Variants in SCAPER observed in about 807,000 individuals in gnomAD.
SCAPER encodes the protein S phase cyclin A-associated protein in the endoplasmic reticulum.
SCAPER carries 98 observed loss-of-function variants against 182.2 expected under a neutral mutation model. The observed-to-expected ratio is 0.54, with a 90% CI of 0.46 to 0.64. The LOEUF (loss-of-function observed/expected upper bound fraction) is 0.64. Among genes scored for constraint, SCAPER ranks in the 30% least tolerant of loss-of-function variants. The probability of loss-of-function intolerance (pLI) is 0.00; values close to 1 mark genes in which losing one functional copy is unlikely to be tolerated. For missense variants in SCAPER, 1,432 were observed against 1,690.0 expected, an observed-to-expected ratio of 0.85 and a Z score of 2.68; for synonymous variants, 605 against 564.6, an observed-to-expected ratio of 1.07 and a Z score of -1.01.
chr15:76,610,199 C>T (rs2050853697), intron 22 of SCAPER, among the ~76,000 whole-genome samples: 1 of 152,122 alleles, frequency 6.6e-6, no homozygotes, highest in Admixed American at 6.5e-5. Flanking sequence ...ACTGACCCCA[C>T]AGTTTATGTC....
At chr15:76,755,938 T>C (rs1016094420) in intron 14 of SCAPER, among the ~76,000 whole-genome samples, 1 of 152,152 alleles carries the variant, frequency 6.6e-6, no homozygotes, top group African/African-American at 2.4e-5. Context: ...CAGATGACTA[T>C]GACCTGACTG....
At chr15:76,521,733 C>G (rs2042853223) in intron 23 of SCAPER, among the ~76,000 whole-genome samples, 1 of 152,132 alleles carries the variant, frequency 6.6e-6, no homozygotes, top group Non-Finnish European at 1.5e-5. Context: ...GTCAGCTTAA[C>G]TCTCATGAAG....
intron 24 of SCAPER, among the ~76,000 whole-genome samples, chr15:76,482,988 T>G (rs866418683): frequency 6.6e-6 from 1 of 152,136 alleles, no homozygotes; most frequent in Non-Finnish European, 1.5e-5. Flanking sequence ...TTGATACTGA[T>G]AAACTGATTT....
chr15:76,491,775 G>A (rs941260273), intron 24 of SCAPER, among the ~76,000 whole-genome samples: 1 of 152,144 alleles, frequency 6.6e-6, no homozygotes, highest in African/African-American at 2.4e-5. Context: ...GGGATTACAG[G>A]CGTTTGCCAC....
rs370902109 is a variant in SCAPER at position 76,667,186 on chromosome 15, T to C, written c.2509-1397A>G. ...TACAAATTTTCCTTGTCAAGGTCAGTAACGCCAGTGGCCAATGTTCAGTTC... is the reference window on the plus strand; with the variant it reads ...TACAAATTTTCCTTGTCAAGGTCAGCAACGCCAGTGGCCAATGTTCAGTTC... On this transcript the variant is annotated intron_variant, in intron 20 of 31. Transcript: ENST00000563290. Among the ~76,000 whole-genome samples, 3 of 152,264 alleles carry C rather than the reference T, an allele frequency of 2.0e-5. No individual in the cohort carries two copies. The East Asian group carries it at 5.8e-4, about 29-fold the overall frequency.
At chr15:76,718,415 A>G (rs2060005742) in intron 17 of SCAPER, among the ~76,000 whole-genome samples, 1 of 152,182 alleles carries the variant, frequency 6.6e-6, no homozygotes, top group South Asian at 2.1e-4. Flanking sequence ...TAGGCTAGCC[A>G]CGGTGGCTCA....
chr15:76,685,762 T>C (rs1410582024), intron 20 of SCAPER, among the ~76,000 whole-genome samples: 1 of 151,970 alleles, frequency 6.6e-6, no homozygotes, highest in African/African-American at 2.4e-5. Flanking sequence ...TGTTCTCCTG[T>C]GTAGGACAAC....
At chr15:76,548,491 G>T (rs12443137) in intron 23 of SCAPER, among the ~76,000 whole-genome samples, 70,921 of 152,070 alleles carry the variant, frequency 0.47, 18,043 homozygotes, top group Middle Eastern at 0.63. Context: ...AGTTGATATA[G>T]TAGAGCAACG....
chr15:76,351,167 A>G, intron 31 of SCAPER, 70 bp downstream of exon 31: 1 of 1,360,986 alleles, frequency 7.3e-7, no homozygotes, highest in Non-Finnish European at 1.0e-6. Flanking sequence ...TAGCAGTTCC[A>G]GAGGAAAGGA....
intron 24 of SCAPER, chr15:76,472,425 T>C: frequency 1.7e-6 from 1 of 600,720 alleles, no homozygotes; most frequent in Non-Finnish European, 3.0e-6. Context: ...TGAAATACTA[T>C]TTTTACGAAG....
chr15:76,841,825 C>T lies in SCAPER; in HGVS notation c.302G>A (p.Arg101Gln). ...RHPRKIDLRA[R>Q]YWAFLFDNLR... ...ATTATCAAAAAGAAATGCCCAGTAT[C>T]GAGCTCTTAGATCAATTTTCCGAGG... The change falls in exon 5 of 32, where the codon CGA becomes CAA. Residue 101 changes from arginine (R) to glutamine (Q), a missense_variant. Arg to Gln is a conservative substitution (Grantham distance 43). Around this residue, in one of 5 missense-constraint regions of SCAPER, gnomAD observed 480 missense variants for 510.2 expected, o/e 0.94. Transcript: ENST00000563290. The T allele has an allele frequency of 1.2e-6, 2 of 1,613,872 alleles. No homozygotes were observed. Among genetic ancestry groups the T allele is most frequent in the South Asian group, 1.1e-5 (1 of 91,082 alleles).
chr15:76,632,509 T>C (rs987121539), intron 21 of SCAPER, among the ~76,000 whole-genome samples: 3 of 152,062 alleles, frequency 2.0e-5, no homozygotes, highest in Non-Finnish European at 4.4e-5. Context: ...TGTAATGTTT[T>C]ATCATGATTC....
At chr15:76,442,173 G>A (rs766289466) in intron 25 of SCAPER, among the ~76,000 whole-genome samples, 4 of 152,088 alleles carry the variant, frequency 2.6e-5, no homozygotes, top group Non-Finnish European at 4.4e-5. Flanking sequence ...AATATCCTAC[G>A]TGTTCACCTC....
intron 8 of SCAPER, among the ~76,000 whole-genome samples, chr15:76,792,403 T>C (rs2065059160): frequency 6.6e-6 from 1 of 152,166 alleles, no homozygotes; most frequent in Admixed American, 6.5e-5. Context: ...TGGGCTCTGG[T>C]AGATTGTTCA....
intron 5 of SCAPER, among the ~76,000 whole-genome samples, chr15:76,812,719 C>T (rs1181720952): frequency 6.6e-6 from 1 of 151,832 alleles, no homozygotes; most frequent in Admixed American, 6.6e-5. Flanking sequence ...TTCCTAGAAA[C>T]ATACAACATG....
At chr15:76,772,103 T>C (rs1161432556) in intron 9 of SCAPER, 149 bp from the exon 10 acceptor site, 10 of 641,068 alleles carry the variant, frequency 1.6e-5, no homozygotes, top group Non-Finnish European at 2.6e-5. Context: ...CTTTTTTGTA[T>C]GTTTCAAGTG....
At position 76,668,280 on chromosome 15, in the gene SCAPER, T is replaced by C. The variant is rs576324506; in HGVS notation, c.2509-2491A>G. Reference sequence around the variant, plus strand: ...TCTTAACTGGTCTCACAGTTTCTAATTTGACCCCATAGGTCTTTTCTCTAT... The same window carrying C: ...TCTTAACTGGTCTCACAGTTTCTAACTTGACCCCATAGGTCTTTTCTCTAT... On this transcript the variant is annotated intron_variant, in intron 20 of 31. Transcript: ENST00000563290. 2.0e-5 allele frequency among the ~76,000 whole-genome samples: 3 copies of C among 152,356 alleles called. No individual in the cohort carries two copies. In the South Asian group the frequency reaches 6.2e-4, roughly 32 times the overall value.
chr15:76,623,965 A>G (rs2052344431), intron 21 of SCAPER, among the ~76,000 whole-genome samples: 1 of 152,194 alleles, frequency 6.6e-6, no homozygotes, highest in South Asian at 2.1e-4. Flanking sequence ...TGATGGGCCA[A>G]AGCTGGAAGC....
In SCAPER at chr15:76,728,730, T is replaced by C. The variant is rs1160566430; in HGVS notation, c.2030A>G (p.Lys677Arg). 6.2e-7 allele frequency: 1 copy of C among 1,609,180 alleles called. No individual in the cohort carries two copies. The highest frequency in any genetic ancestry group is 8.5e-7 in the Non-Finnish European group (1 of 1,178,608). Reference protein sequence around the residue: ...QARDEAVQERKRALEAERQAR... With the variant: ...QARDEAVQERRRALEAERQAR... ...CTGCCGCTCTGCCTCTAGAGCTCTC[T>C]TGCGTTCCTAATGTTAGAAATATTT... is the stretch of plus-strand genomic sequence containing the variant. The change falls in exon 17 of 32, where the codon AAG becomes AGG. Residue 677 changes from lysine (K) to arginine (R), a missense_variant. By Grantham distance (26) the Lys-to-Arg change is conservative. Transcript: ENST00000563290.
Sources: allele counts gnomAD v4.1 joint callset (sites outside exome capture counted in the v4.1 genomes callset), GRCh38; gene constraint gnomAD v4.1.1; regional missense constraint gnomAD v4.1.1; transcripts MANE v1.5; gene names NCBI Gene and HGNC (gene_info 2026-07-23, HGNC 2026-07-21).